The following ARHGAP32 variants were observed in gnomAD, a reference collection of about 807,000 sequenced individuals.
ARHGAP32 encodes the protein Rho GTPase activating protein 32.
In ARHGAP32, 51 loss-of-function variants were observed where a neutral mutation model predicts 186.5. That is an observed-to-expected ratio of 0.27 (90% CI 0.22 to 0.35). The LOEUF is 0.35. ARHGAP32 is among the 10% of genes least tolerant of loss of function. The probability of loss-of-function intolerance (pLI) is 1.00; values close to 1 mark genes in which losing one functional copy is unlikely to be tolerated. For synonymous variants in ARHGAP32, 950 were observed against 964.3 expected, an observed-to-expected ratio of 0.99 and a Z score of 0.27; for missense variants, 2,186 against 2,623.5, an observed-to-expected ratio of 0.83 and a Z score of 3.64.
At chr11:129,184,965 G>A (rs771103983) in intron 1 of ARHGAP32, among the ~76,000 whole-genome samples, 7 of 152,134 alleles carry the variant, frequency 4.6e-5, no homozygotes, top group Non-Finnish European at 8.8e-5. Context: ...ATACAGAGAA[G>A]AAGCAACATA....
At chr11:129,214,099 T>C (rs1944614835) in intron 1 of ARHGAP32, among the ~76,000 whole-genome samples, 1 of 151,632 alleles carries the variant, frequency 6.6e-6, no homozygotes, top group Non-Finnish European at 1.5e-5. Context: ...GTCAAAATCG[T>C]AAAGTTCATC....
chr11:128,970,567 T>C lies in ARHGAP32; in HGVS notation c.4646A>G (p.Asn1549Ser). 2 of 1,614,104 alleles carry C rather than the reference T, an allele frequency of 1.2e-6. No individual in the cohort carries two copies. The highest frequency in any genetic ancestry group is 8.5e-7 in the Non-Finnish European group (1 of 1,180,006). Residue 1549 changes from asparagine (N) to serine (S), a missense_variant, in exon 23 of 23, where the codon AAC becomes AGC. Physicochemically the swap from Asn to Ser is conservative, Grantham distance 46. Around this residue, in one of 5 missense-constraint regions of ARHGAP32, gnomAD observed 1,502 missense variants for 1,570.0 expected, o/e 0.96. Coordinates refer to ENST00000682385, the MANE Select transcript of ARHGAP32 (RefSeq NM_001378024.1). This position sits in a 1 kb window ranked among gnomAD's most constrained non-coding sequence, Gnocchi z 5.8. The stretch of plus-strand genomic sequence containing the variant: ...GTTTCTTCCTGGGGCCACATATGTG[T>C]TATAACGAAGACCCATGGAGGCTGG... ...EPPASMGLRYNTYVAPGRNAS... is the reference protein window; with the variant it reads ...EPPASMGLRYSTYVAPGRNAS...
At chr11:128,984,107 C>T (rs1027799358) in intron 15 of ARHGAP32, among the ~76,000 whole-genome samples, 1 of 152,112 alleles carries the variant, frequency 6.6e-6, no homozygotes, top group Non-Finnish European at 1.5e-5. Flanking sequence ...GGCACAGTGG[C>T]TCACACCTGT....
chr11:129,042,312 G>T (rs1939630707), intron 10 of ARHGAP32, among the ~76,000 whole-genome samples: 1 of 152,046 alleles, frequency 6.6e-6, no homozygotes, highest in Non-Finnish European at 1.5e-5. Context: ...CACCTCACCT[G>T]GCTAATTTTG....
chr11:129,003,596 AT>A (rs1188563692), intron 11 of ARHGAP32, among the ~76,000 whole-genome samples: 2 of 152,034 alleles, frequency 1.3e-5, no homozygotes, highest in Non-Finnish European at 2.9e-5. Flanking sequence ...GGATTTCTTC[AT>A]GGTTTGATCT....
At chr11:129,255,420 C>T (rs1945242283) in intron 1 of ARHGAP32, among the ~76,000 whole-genome samples, 1 of 151,928 alleles carries the variant, frequency 6.6e-6, no homozygotes, top group Admixed American at 6.6e-5. Flanking sequence ...AAAGATAAAA[C>T]CATAAAGCTT....
intron 12 of ARHGAP32, among the ~76,000 whole-genome samples, chr11:128,995,006 G>A (rs1448267207): frequency 6.6e-6 from 1 of 151,514 alleles, no homozygotes; most frequent in South Asian, 2.1e-4. Flanking sequence ...TAATCTTCCA[G>A]GATTATTAAA....
intron 5 of ARHGAP32, among the ~76,000 whole-genome samples, chr11:129,102,234 C>A (rs1453569625): frequency 6.6e-6 from 1 of 152,196 alleles, no homozygotes; most frequent in Non-Finnish European, 1.5e-5. Context: ...CTGTTACCAG[C>A]TGCTACAGAA....
chr11:129,065,381 A>C (rs1940653860), intron 7 of ARHGAP32, among the ~76,000 whole-genome samples: 1 of 152,086 alleles, frequency 6.6e-6, no homozygotes. Context: ...CGATTGGTCC[A>C]GGAATATGCC....
At chr11:129,177,271 G>T (rs1419015938) in intron 1 of ARHGAP32, among the ~76,000 whole-genome samples, 1 of 152,028 alleles carries the variant, frequency 6.6e-6, no homozygotes, top group Non-Finnish European at 1.5e-5. Context: ...CCAATAACAG[G>T]AGCTGAAATT....
intron 1 of ARHGAP32, among the ~76,000 whole-genome samples, chr11:129,247,872 C>A (rs1422639608): frequency 2.6e-5 from 4 of 152,094 alleles, no homozygotes; most frequent in Non-Finnish European, 4.4e-5. Context: ...GAAATTCAGT[C>A]AATGGAAATT....
chr11:129,208,881 A>G (rs1316766333), intron 1 of ARHGAP32, among the ~76,000 whole-genome samples: 1 of 152,212 alleles, frequency 6.6e-6, no homozygotes, highest in Non-Finnish European at 1.5e-5. Context: ...TTAGAGTTCT[A>G]AACTTTCCAA....
intron 6 of ARHGAP32, among the ~76,000 whole-genome samples, chr11:129,092,554 G>A (rs2135267684): frequency 6.6e-6 from 1 of 152,004 alleles, no homozygotes; most frequent in East Asian, 1.9e-4. Flanking sequence ...AAGAAGCCAA[G>A]GTGACATGCA....
chr11:128,973,697 C>G, intron 21 of ARHGAP32: 4 of 547,984 alleles, frequency 7.3e-6, no homozygotes. Flanking sequence ...ATGTCCCTCA[C>G]CTGGCTCAGA....
chr11:128,986,128 G>C (rs1227461558), intron 14 of ARHGAP32, 43 bp from the exon 15 acceptor site: 2 of 1,453,122 alleles, frequency 1.4e-6, no homozygotes, highest in South Asian at 1.3e-5. Flanking sequence ...AGCTCTGTTA[G>C]TAAAAATGAA....
chr11:129,264,288 A>C (rs1434773797), intron 1 of ARHGAP32, among the ~76,000 whole-genome samples: 1 of 152,240 alleles, frequency 6.6e-6, no homozygotes, highest in Non-Finnish European at 1.5e-5. Context: ...TTAGTTTTGC[A>C]AGATGAAAAC....
chr11:129,258,445 C>T (rs1368419313), intron 1 of ARHGAP32, among the ~76,000 whole-genome samples: 4 of 152,100 alleles, frequency 2.6e-5, no homozygotes, highest in African/African-American at 9.7e-5. Context: ...CTATCTGCAG[C>T]AGTATGTGCC....
chr11:129,194,664 C>T (rs1037616940), upstream of ARHGAP32, among the ~76,000 whole-genome samples: 3 of 151,786 alleles, frequency 2.0e-5, no homozygotes, highest in African/African-American at 4.8e-5. Context: ...AAGAAAGACA[C>T]GCTTGAACCC....
intron 1 of ARHGAP32, among the ~76,000 whole-genome samples, chr11:129,238,335 C>T (rs1214819336): frequency 6.6e-6 from 1 of 152,112 alleles, no homozygotes; most frequent in Non-Finnish European, 1.5e-5. Context: ...CCTTTCTGTG[C>T]CCTTTCTTCT....
Sources: allele counts gnomAD v4.1 joint callset (sites outside exome capture counted in the v4.1 genomes callset), GRCh38; gene constraint gnomAD v4.1.1; regional missense constraint gnomAD v4.1.1; non-coding constraint Gnocchi (gnomAD v3.1); transcripts MANE v1.5; gene names NCBI Gene and HGNC (gene_info 2026-07-23, HGNC 2026-07-21).